SYNE3: variants seen among roughly 807,000 people sequenced by gnomAD.
SYNE3 encodes nesprin-3.
In SYNE3, 100 loss-of-function variants were observed where a neutral mutation model predicts 111.2. That is an observed-to-expected ratio of 0.90 (90% CI 0.77 to 1.06). The LOEUF (loss-of-function observed/expected upper bound fraction) is 1.06, where lower values mean the gene tolerates loss of function less well. Ranked by LOEUF, SYNE3 falls within the 50% of genes least tolerant of loss-of-function variation. The pLI is 0.00. For missense variants in SYNE3, 1,160 were observed against 1,240.3 expected, an observed-to-expected ratio of 0.94 and a Z score of 0.97; for synonymous variants, 547 against 533.9, an observed-to-expected ratio of 1.02 and a Z score of -0.34.
intron 1 of SYNE3, among the ~76,000 whole-genome samples, chr14:95,477,337 G>A (rs1220117196): frequency 6.6e-6 from 1 of 152,226 alleles, no homozygotes; most frequent in South Asian, 2.1e-4. Flanking sequence ...GGCATTGGGG[G>A]AGAGGCACAG....
intron 1 of SYNE3, among the ~76,000 whole-genome samples, chr14:95,505,661 T>C (rs1890502282): frequency 6.6e-6 from 1 of 152,170 alleles, no homozygotes; most frequent in Admixed American, 6.5e-5. Context: ...TCTTTTTACC[T>C]TTTTCTTTTT....
At chr14:95,420,937 A>G (rs1271143956) in intron 17 of SYNE3, among the ~76,000 whole-genome samples, 1 of 152,112 alleles carries the variant, frequency 6.6e-6, no homozygotes, top group Non-Finnish European at 1.5e-5. Context: ...ACCCAGTGGG[A>G]GATAATTGAA....
chr14:95,433,484 C>A, intron 15 of SYNE3, 75 bp from the exon 16 acceptor site: 1 of 1,567,972 alleles, frequency 6.4e-7, no homozygotes, highest in South Asian at 1.2e-5. Context: ...AAGGATGGGT[C>A]CATCAAATTT....
chr14:95,444,730 C>T, intron 9 of SYNE3, 102 bp from the exon 10 acceptor site: 1 of 1,407,170 alleles, frequency 7.1e-7, no homozygotes, highest in Non-Finnish European at 9.4e-7. Context: ...TCTCGGCCAG[C>T]TCATGCTCAT....
chr14:95,480,775 C>T (rs1405170724), intron 1 of SYNE3, among the ~76,000 whole-genome samples: 1 of 152,120 alleles, frequency 6.6e-6, no homozygotes, highest in African/African-American at 2.4e-5. Context: ...AAAAAAAAGG[C>T]CAGCCATGGA....
At chr14:95,476,568 C>A (rs1414960400) in intron 1 of SYNE3, among the ~76,000 whole-genome samples, 4 of 152,250 alleles carry the variant, frequency 2.6e-5, no homozygotes, top group Non-Finnish European at 5.9e-5. Flanking sequence ...TTTGACTTCC[C>A]CTGGGCTATG....
At chr14:95,464,676 A>T (rs1451955059) in intron 4 of SYNE3, among the ~76,000 whole-genome samples, 1 of 152,238 alleles carries the variant, frequency 6.6e-6, no homozygotes, top group African/African-American at 2.4e-5. Flanking sequence ...GATAAACCTC[A>T]GGAGGAGCCC....
intron 17 of SYNE3, among the ~76,000 whole-genome samples, chr14:95,424,738 C>T (rs1885341103): frequency 1.3e-5 from 2 of 152,176 alleles, no homozygotes; most frequent in Admixed American, 1.3e-4. Flanking sequence ...GGATATTCCA[C>T]AAACTGTCCG....
intron 7 of SYNE3, chr14:95,450,452 A>C (rs934446714): frequency 2.1e-5 from 5 of 233,680 alleles, no homozygotes; most frequent in Admixed American, 5.2e-5. Context: ...AAGCAGGAGG[A>C]TCACTTGAGG....
At chr14:95,488,858 CTT>C (rs1206100320) in intron 1 of SYNE3, among the ~76,000 whole-genome samples, 1 of 152,218 alleles carries the variant, frequency 6.6e-6, no homozygotes, top group African/African-American at 2.4e-5. Flanking sequence ...TACGGTCAGT[CTT>C]TTCATCTTAG....
chr14:95,422,031 C>T (rs769915571), intron 17 of SYNE3, among the ~76,000 whole-genome samples: 2 of 152,194 alleles, frequency 1.3e-5, no homozygotes, highest in Admixed American at 6.5e-5. Flanking sequence ...TCCTCGGAGG[C>T]GGGGTCCACA....
chr14:95,424,709 C>T (rs1885339499), intron 17 of SYNE3, among the ~76,000 whole-genome samples: 1 of 152,196 alleles, frequency 6.6e-6, no homozygotes, highest in African/African-American at 2.4e-5. Context: ...AAGGAAACAG[C>T]AGGGAAACCC....
chr14:95,494,941 G>T (rs767381182), intron 1 of SYNE3, among the ~76,000 whole-genome samples: 4 of 151,990 alleles, frequency 2.6e-5, no homozygotes, highest in Non-Finnish European at 5.9e-5. Flanking sequence ...GTGAAACCCC[G>T]TCTCTACTAA....
intron 8 of SYNE3, among the ~76,000 whole-genome samples, chr14:95,448,349 G>GCCCACTGGACCCTTGGAAAGAAAGGC (rs140207346): frequency 0.19 from 29,459 of 151,354 alleles, 3,128 homozygotes; most frequent in South Asian, 0.25. Flanking sequence ...GGGAGAAGGG[G>GCCCACTGGACCCTTGGAAAGAAAGGC]CCCACTGGAC....
chr14:95,462,186 A>G (rs1887871514), intron 4 of SYNE3, among the ~76,000 whole-genome samples: 1 of 152,154 alleles, frequency 6.6e-6, no homozygotes, highest in East Asian at 1.9e-4. Flanking sequence ...TACAAGATCA[A>G]AGAGGCTGCA....
intron 1 of SYNE3, among the ~76,000 whole-genome samples, chr14:95,504,942 A>C (rs1212071458): frequency 1.3e-5 from 2 of 152,286 alleles, no homozygotes; most frequent in Non-Finnish European, 2.9e-5. Flanking sequence ...ACACAAGTGG[A>C]AAAAGCTGGC....
At chr14:95,447,981 G>C (rs1432364768) in intron 8 of SYNE3, among the ~76,000 whole-genome samples, 1 of 152,148 alleles carries the variant, frequency 6.6e-6, no homozygotes, top group Non-Finnish European at 1.5e-5. Flanking sequence ...TTTAATTGTG[G>C]ATACACCGAA....
intron 1 of SYNE3, among the ~76,000 whole-genome samples, chr14:95,504,228 A>G (rs969094063): frequency 6.6e-6 from 1 of 152,228 alleles, no homozygotes; most frequent in African/African-American, 2.4e-5. Flanking sequence ...CTTTCTCGAT[A>G]TGATGGAGAG....
At chr14:95,511,254 G>T (rs548297029) in intron 1 of SYNE3, among the ~76,000 whole-genome samples, 1 of 152,364 alleles carries the variant, frequency 6.6e-6, no homozygotes, top group South Asian at 2.1e-4. Flanking sequence ...AATAGGATGA[G>T]TGAGAGGAGC....
Sources: allele counts gnomAD v4.1 joint callset (sites outside exome capture counted in the v4.1 genomes callset), GRCh38; gene constraint gnomAD v4.1.1; transcripts MANE v1.5; gene names NCBI Gene and HGNC (gene_info 2026-07-23, HGNC 2026-07-21).